RHOQ: variants seen among roughly 807,000 people sequenced by gnomAD.
The protein encoded by RHOQ is ras homolog family member Q, also known as rho-related GTP-binding protein RhoQ.
A neutral mutation model predicts 25.8 loss-of-function variants in RHOQ; 7 were observed. The ratio of observed to expected loss-of-function variants is 0.27; its 90% confidence interval spans 0.15 to 0.51. The LOEUF is 0.51. Ranked by LOEUF, RHOQ falls within the 20% of genes least tolerant of loss-of-function variation. The pLI is 0.97. For missense variants in RHOQ, 165 were observed against 260.6 expected, an observed-to-expected ratio of 0.63 and a Z score of 2.53; for synonymous variants, 97 against 98.6, an observed-to-expected ratio of 0.98 and a Z score of 0.10.
Position 46,543,020 on chromosome 2 carries a change from C to T in RHOQ, c.-27C>T, listed in dbSNP as rs753920575. ...GCCGGGGCGGGGGCTCCGGGGGGAC[C>T]ATGCCCGGAGGCCGGCCGGCAGCAG... On this transcript the variant is annotated 5_prime_UTR_variant, in exon 1 of 5. Transcript: ENST00000238738. The T allele has an allele frequency of 5.2e-6, 8 of 1,546,530 alleles. No individual in the cohort carries two copies. The African/African-American group carries it at 1.1e-4, about 22-fold the overall frequency.
At chr2:46,575,980 A>C in intron 2 of RHOQ, 107 bp from the exon 3 acceptor site, 1 of 817,138 alleles carries the variant, frequency 1.2e-6, no homozygotes, top group Non-Finnish European at 1.8e-6. Context: ...ACATTCCACT[A>C]GTGGAGTACT....
At chr2:46,567,925 C>G (rs932791431) in intron 2 of RHOQ, among the ~76,000 whole-genome samples, 4 of 151,924 alleles carry the variant, frequency 2.6e-5, no homozygotes, top group Admixed American at 6.6e-5. Context: ...AAATTTCTGA[C>G]TAGCTGGGCA....
chr2:46,560,685 CAGAGG>C, intron 2 of RHOQ: 1 of 454,396 alleles, frequency 2.2e-6, no homozygotes, highest in Non-Finnish European at 4.4e-6. Flanking sequence ...TACTGTTGGA[CAGAGG>C]TAGATAGTCA....
intron 2 of RHOQ, among the ~76,000 whole-genome samples, chr2:46,565,628 T>C (rs558481601): frequency 2.0e-5 from 3 of 152,344 alleles, no homozygotes; most frequent in African/African-American, 4.8e-5. Context: ...TTCAGGTATT[T>C]GATCCACTTT....
intron 4 of RHOQ, among the ~76,000 whole-genome samples, chr2:46,578,024 A>T (rs1669197103): frequency 6.6e-6 from 1 of 152,242 alleles, no homozygotes; most frequent in Non-Finnish European, 1.5e-5. Context: ...TCCTTAGTAT[A>T]CAGGAACCTC....
chr2:46,572,426 G>T (rs956925985), intron 2 of RHOQ, among the ~76,000 whole-genome samples: 3 of 151,972 alleles, frequency 2.0e-5, no homozygotes, highest in African/African-American at 7.3e-5. Flanking sequence ...TTAAAGTAAG[G>T]TTGTCATTAT....
chr2:46,562,375 A>G (rs4384837), intron 2 of RHOQ, among the ~76,000 whole-genome samples: 60,114 of 152,028 alleles, frequency 0.4, 12,576 homozygotes, highest in African/African-American at 0.5. Flanking sequence ...ACTTGAAACC[A>G]CTGGAATGAC....
chr2:46,560,070 G>A (rs913486943), intron 2 of RHOQ, among the ~76,000 whole-genome samples: 11 of 152,250 alleles, frequency 7.2e-5, no homozygotes, highest in East Asian at 1.9e-4. Flanking sequence ...AAGCAAACTC[G>A]TTCCACCCTC....
At chr2:46,570,608 G>T (rs775660825) in intron 2 of RHOQ, among the ~76,000 whole-genome samples, 22 of 152,168 alleles carry the variant, frequency 1.4e-4, no homozygotes, top group Non-Finnish European at 3.1e-4. Context: ...CCCTTTGAAG[G>T]GTGGAGGGTT....
chr2:46,548,722 G>A lies in RHOQ; in HGVS notation c.201+4910G>A, dbSNP rs144737502. 7.0e-3 allele frequency among the ~76,000 whole-genome samples: 1,072 copies of A among 152,194 alleles called. 14 individuals are homozygous for A. The highest frequency in any genetic ancestry group is 0.025 in the African/African-American group (1,043 of 41,494). ...CATCAGCTGCAACAGGTGAGATGCTGGCACTGAGCATCCTGGTTTCCCTTA... is the reference window on the plus strand; with the variant it reads ...CATCAGCTGCAACAGGTGAGATGCTAGCACTGAGCATCCTGGTTTCCCTTA... On this transcript the variant is annotated intron_variant, in intron 2 of 4. Transcript: ENST00000238738. This position sits in a 1 kb window ranked among gnomAD's most constrained non-coding sequence, Gnocchi z 5.2.
chr2:46,572,961 C>G (rs1389228035), intron 2 of RHOQ, among the ~76,000 whole-genome samples: 2 of 152,162 alleles, frequency 1.3e-5, no homozygotes, highest in African/African-American at 2.4e-5. Context: ...ATGCAGGGTA[C>G]AGTATGCACA....
intron 2 of RHOQ, among the ~76,000 whole-genome samples, chr2:46,572,490 C>A (rs1441130138): frequency 6.6e-6 from 1 of 152,132 alleles, no homozygotes; most frequent in Non-Finnish European, 1.5e-5. Context: ...GCTGCCAGAA[C>A]ACACTTAAAA....
Position 46,543,547 on chromosome 2 carries a change from G to T in RHOQ, c.143-207G>T, listed in dbSNP as rs73927891. 6.1e-4 allele frequency: 374 copies of T among 611,580 alleles called. 1 individual carries two copies. The African/African-American group carries it at 6.3e-3, about 10-fold the overall frequency. 37.9% of individuals were successfully genotyped at this position (611,580 alleles called of 1,614,324 possible). A position where few individuals can be genotyped will look rare whatever the true frequency, so the allele number is the denominator to read the frequency against. On this transcript the variant is annotated intron_variant, in intron 1 of 4. Transcript: ENST00000238738. ...GTGGCTACGGGACTTGGGAGAAGGGGGTGGACGGCTGGGGACCACATCACA... is the reference window on the plus strand; with the variant it reads ...GTGGCTACGGGACTTGGGAGAAGGGTGTGGACGGCTGGGGACCACATCACA...
chr2:46,557,008 G>A (rs558319624), intron 2 of RHOQ, among the ~76,000 whole-genome samples: 1 of 152,244 alleles, frequency 6.6e-6, no homozygotes, highest in East Asian at 1.9e-4. Flanking sequence ...TAAACCAATA[G>A]CTCACAAGAG....
At chr2:46,564,523 G>A (rs1337202945) in intron 2 of RHOQ, among the ~76,000 whole-genome samples, 1 of 152,200 alleles carries the variant, frequency 6.6e-6, no homozygotes, top group Non-Finnish European at 1.5e-5. Flanking sequence ...TCAGATGGCA[G>A]ATTGCACTGT....
chr2:46,576,420 C>A lies in RHOQ; in HGVS notation c.367-141C>A. ...TGGAAAAAATTGTGCCAAAAGAAAG[C>A]AATTATTTTCCTGGTTTTTAAAAAT... is the stretch of plus-strand genomic sequence containing the variant. On this transcript the variant is annotated intron_variant, in intron 3 of 4. Coordinates refer to ENST00000238738, the MANE Select transcript of RHOQ (RefSeq NM_012249.4). The surrounding 1 kb of genome is among the most constrained non-coding windows in gnomAD (Gnocchi z 5.1). 1.1e-6 allele frequency: 1 copy of A among 880,478 alleles called. No individual in the cohort carries two copies. The highest frequency in any genetic ancestry group is 1.7e-6 in the Non-Finnish European group (1 of 579,828). The allele number at this position is 880,478 out of a possible 1,614,324, so 54.5% of individuals were successfully genotyped here.
rs1185410661 is a variant in RHOQ, at chr2:46,542,721, G to A, written c.-326G>A. On this transcript the variant is annotated 5_prime_UTR_variant, in exon 1 of 5. Transcript: ENST00000238738. ...CTCCCCAAAGTTGCCGTCTCCCCCG[G>A]GGCCGGCCGGTCTTATGATCCGGCG... The A allele has an allele frequency of 6.8e-6, 1 of 146,694 alleles. No homozygotes were observed. Among genetic ancestry groups the A allele is most frequent in the African/African-American group, 2.4e-5 (1 of 40,872 alleles). The allele number at this position is 146,694 out of a possible 1,614,324, so 9.1% of individuals were successfully genotyped here. A position where few individuals can be genotyped will look rare whatever the true frequency, so the allele number is the denominator to read the frequency against.
Position 46,583,309 on chromosome 2 carries a change from C to T in RHOQ, c.*2226C>T. Among the ~76,000 whole-genome samples, 1 of 152,140 alleles carries T rather than the reference C, an allele frequency of 6.6e-6. No individual in the cohort carries two copies. The highest frequency in any genetic ancestry group is 1.9e-4 in the East Asian group (1 of 5,200). On this transcript the variant is annotated 3_prime_UTR_variant, in exon 5 of 5. Coordinates refer to ENST00000238738, the MANE Select transcript of RHOQ (RefSeq NM_012249.4). ...CTGTTTCTTGACTGGGATTTGGTTTCCTCATTATAAATATGGGAGGTAGAA... is the reference window on the plus strand; with the variant it reads ...CTGTTTCTTGACTGGGATTTGGTTTTCTCATTATAAATATGGGAGGTAGAA...
chr2:46,571,559 G>T (rs564966853), intron 2 of RHOQ, among the ~76,000 whole-genome samples: 1 of 152,248 alleles, frequency 6.6e-6, no homozygotes, highest in South Asian at 2.1e-4. Flanking sequence ...ACTGTTCTGG[G>T]CACATAGTAG....
Sources: gnomAD v4.1 joint callset for allele counts (sites outside exome capture counted in the v4.1 genomes callset) on GRCh38, gnomAD v4.1.1 for gene constraint, Gnocchi (gnomAD v3.1) non-coding constraint, MANE v1.5 for transcripts, NCBI Gene and HGNC (gene_info 2026-07-23, HGNC 2026-07-21) for gene names.